GPR39: variants seen among roughly 807,000 people sequenced by gnomAD.
The protein encoded by GPR39 is G protein-coupled receptor 39.
In GPR39, 23 loss-of-function variants were observed where a neutral mutation model predicts 18.4. That is an observed-to-expected ratio of 1.25 (90% CI 0.90 to 1.77). The LOEUF (loss-of-function observed/expected upper bound fraction) is 1.77, where lower values mean the gene tolerates loss of function less well. Among genes scored for constraint, GPR39 ranks in the 40% most tolerant of loss-of-function variants. The pLI is 0.00. For synonymous variants in GPR39, 280 were observed against 257.9 expected, an observed-to-expected ratio of 1.09 and a Z score of -0.82; for missense variants, 647 against 602.4, an observed-to-expected ratio of 1.07 and a Z score of -0.78.
chr2:132,493,172 C>A (rs1681540178), intron 1 of GPR39, among the ~76,000 whole-genome samples: 1 of 137,264 alleles, frequency 7.3e-6, no homozygotes, highest in African/African-American at 2.8e-5. Context: ...ATATATACAC[C>A]ATATATACAC....
In GPR39 at chr2:132,511,273, T is replaced by C. The variant is rs149554839; in HGVS notation, c.856+93375T>C. Among the ~76,000 whole-genome samples, 11 of 152,290 alleles carry C rather than the reference T, an allele frequency of 7.2e-5. No homozygotes were observed. The East Asian group carries it at 1.7e-3, about 24-fold the overall frequency. On this transcript the variant is annotated intron_variant, in intron 1 of 1. Coordinates refer to ENST00000329321, the MANE Select transcript of GPR39 (RefSeq NM_001508.3). ...CACTTTGGAATTTATTGCCAACAAA[T>C]CAAGTTTTTCTAACATAATTAATCT...
At chr2:132,448,988 G>T (rs1021637923) in intron 1 of GPR39, among the ~76,000 whole-genome samples, 5 of 152,150 alleles carry the variant, frequency 3.3e-5, no homozygotes, top group East Asian at 1.9e-4. Flanking sequence ...CCAGCTCTCC[G>T]CAACCCCCTG....
intron 1 of GPR39, among the ~76,000 whole-genome samples, chr2:132,455,542 T>C (rs959419248): frequency 1.1e-4 from 17 of 152,330 alleles, no homozygotes; most frequent in African/African-American, 3.6e-4. Flanking sequence ...GTGTTTGCTC[T>C]TGCTTCTCTA....
chr2:132,583,041 G>T (rs1680656409), intron 1 of GPR39, among the ~76,000 whole-genome samples: 1 of 148,668 alleles, frequency 6.7e-6, no homozygotes, highest in Non-Finnish European at 1.5e-5. Flanking sequence ...GGAACTACAA[G>T]TACCTGCCAC....
intron 1 of GPR39, among the ~76,000 whole-genome samples, chr2:132,499,542 T>G (rs934087914): frequency 4.9e-4 from 74 of 152,282 alleles, no homozygotes; most frequent in African/African-American, 1.8e-3. Flanking sequence ...AGTCTTGCTT[T>G]GACTATGCGG....
intron 1 of GPR39, among the ~76,000 whole-genome samples, chr2:132,636,743 G>A (rs1681762448): frequency 6.6e-6 from 1 of 152,190 alleles, no homozygotes. Flanking sequence ...GAGCTGAATT[G>A]TATTAACAGT....
chr2:132,523,823 C>T (rs1279292154), intron 1 of GPR39: 10 of 152,826 alleles, frequency 6.5e-5, no homozygotes, highest in Admixed American at 6.5e-4. Context: ...TAGCCGTGCT[C>T]CCCTGCTAGA....
chr2:132,611,534 A>C (rs1681239963), intron 1 of GPR39, among the ~76,000 whole-genome samples: 1 of 152,164 alleles, frequency 6.6e-6, no homozygotes, highest in Non-Finnish European at 1.5e-5. Context: ...AGCTTGGTTC[A>C]ATTAAGCATG....
intron 1 of GPR39, among the ~76,000 whole-genome samples, chr2:132,509,293 C>T (rs978603625): frequency 1.3e-5 from 2 of 152,108 alleles, no homozygotes; most frequent in African/African-American, 4.8e-5. Context: ...AATATATGAG[C>T]ATTAGAGAGA....
At chr2:132,557,591 A>ATG (rs1680175694) in intron 1 of GPR39, among the ~76,000 whole-genome samples, 1 of 47,832 alleles carries the variant, frequency 2.1e-5, no homozygotes, top group African/African-American at 7.1e-5. Context: ...GAAAGAAAGG[A>ATG]TGAGAGAGAG....
chr2:132,493,040 T>TACCATATATATAC (rs1489806171), intron 1 of GPR39, among the ~76,000 whole-genome samples: 3 of 118,420 alleles, frequency 2.5e-5, no homozygotes, highest in African/African-American at 9.9e-5. Context: ...ACCATATATA[T>TACCATATATATAC]ACCATATATA....
chr2:132,493,369 A>ATATATATACACACCG (rs1286604033), intron 1 of GPR39, among the ~76,000 whole-genome samples: 8 of 144,672 alleles, frequency 5.5e-5, no homozygotes, highest in African/African-American at 2.0e-4. Context: ...TATATACACT[A>ATATATATACACACCG]TATATATACA....
chr2:132,494,755 A>C (rs1419740410), intron 1 of GPR39, among the ~76,000 whole-genome samples: 1 of 152,142 alleles, frequency 6.6e-6, no homozygotes, highest in Admixed American at 6.5e-5. Flanking sequence ...TTTTATCCTC[A>C]TCTTATTTTC....
chr2:132,464,903 G>A (rs1365085415), intron 1 of GPR39, among the ~76,000 whole-genome samples: 1 of 152,108 alleles, frequency 6.6e-6, no homozygotes, highest in African/African-American at 2.4e-5. Flanking sequence ...ATTCCCAGGG[G>A]GCATGGGGCA....
chr2:132,497,902 A>T (rs575560391), intron 1 of GPR39, among the ~76,000 whole-genome samples: 6 of 152,172 alleles, frequency 3.9e-5, no homozygotes, highest in African/African-American at 1.4e-4. Flanking sequence ...AGATTCCTCT[A>T]TGACTGTGCC....
intron 1 of GPR39, among the ~76,000 whole-genome samples, chr2:132,444,664 C>A (rs192710907): frequency 4.3e-4 from 65 of 152,250 alleles, no homozygotes; most frequent in African/African-American, 1.4e-3. Flanking sequence ...AGTGTTTGGC[C>A]GCTTCATTTA....
chr2:132,456,689 C>T (rs930816861), intron 1 of GPR39, among the ~76,000 whole-genome samples: 1 of 152,180 alleles, frequency 6.6e-6, no homozygotes, highest in African/African-American at 2.4e-5. Flanking sequence ...GACAACATCT[C>T]TCAGCATTTG....
At chr2:132,499,233 A>C (rs186263614) in intron 1 of GPR39, among the ~76,000 whole-genome samples, 2 of 152,228 alleles carry the variant, frequency 1.3e-5, no homozygotes, top group East Asian at 3.9e-4. Context: ...GTGGATTTTT[A>C]TATGAAGTGA....
rs907066685 is a variant in GPR39 at position 132,600,842 on chromosome 2, T to C, written c.857-44259T>C. On this transcript the variant is annotated intron_variant, in intron 1 of 1. Transcript: ENST00000329321. ...GGGGCACAAGTGGTTTTTGTTTACA[T>C]TGGTGAATTGTACAGTAGTGAAGTC... Among the ~76,000 whole-genome samples, 38 of 152,308 alleles carry C rather than the reference T, an allele frequency of 2.5e-4. 1 individual carries two copies. Among genetic ancestry groups the C allele is most frequent in the Admixed American group, 1.9e-3 (29 of 15,294 alleles).
Sources: gnomAD v4.1 joint callset for allele counts (sites outside exome capture counted in the v4.1 genomes callset) on GRCh38, gnomAD v4.1.1 for gene constraint, MANE v1.5 for transcripts, NCBI Gene and HGNC (gene_info 2026-07-23, HGNC 2026-07-21) for gene names.